Variants in MYO16 observed in about 807,000 individuals in gnomAD.
MYO16 encodes the protein myosin XVI.
In MYO16, 94 loss-of-function variants were observed where a neutral mutation model predicts 205.3. The ratio of observed to expected loss-of-function variants is 0.46; its 90% CI spans 0.39 to 0.54. MYO16 has a LOEUF of 0.54. MYO16 is among the 20% of genes least tolerant of loss of function. MYO16 has a pLI of 0.00. For missense variants in MYO16, 2,315 were observed against 2,387.5 expected, an observed-to-expected ratio of 0.97 and a Z score of 0.63; for synonymous variants, 988 against 954.0, an observed-to-expected ratio of 1.04 and a Z score of -0.66.
Position 109,176,468 on chromosome 13 carries a change from C to T in MYO16, c.5324-3074C>T, listed in dbSNP as rs575644658. The stretch of plus-strand genomic sequence containing the variant: ...TAATGTTTATAGAGAGACATGAATC[C>T]GTTTTCTTTTTTTTTATTCATGGTT... On this transcript the variant is annotated intron_variant, in intron 33 of 34. Coordinates refer to ENST00000457511, the MANE Select transcript of MYO16 (RefSeq NM_001198950.3). 1.0e-4 allele frequency among the ~76,000 whole-genome samples: 15 copies of T among 146,936 alleles called. 1 individual carries two copies. Among genetic ancestry groups the T allele is most frequent in the South Asian group, 2.1e-4 (1 of 4,662 alleles).
At chr13:108,550,253 A>T in the MYO16 span, among the ~76,000 whole-genome samples, 1 of 152,276 alleles carries the variant, frequency 6.6e-6, no homozygotes, top group Non-Finnish European at 1.5e-5. Flanking sequence ...AGCTGAGCAC[A>T]GAGTCTTGGA....
chr13:109,187,453 G>A (rs1032185174), intron 34 of MYO16, among the ~76,000 whole-genome samples: 2 of 151,918 alleles, frequency 1.3e-5, no homozygotes, highest in Non-Finnish European at 2.9e-5. Context: ...TAAATAGGTA[G>A]CATAGATCAC....
chr13:108,563,802 T>G, the MYO16 span, among the ~76,000 whole-genome samples: 1 of 152,228 alleles, frequency 6.6e-6, no homozygotes, highest in Admixed American at 6.5e-5. Context: ...ATAACAAACA[T>G]GGGAGTGCAG....
In MYO16 at chr13:109,140,352, G is replaced by C; in HGVS notation, c.4140G>C (p.Lys1380Asn). The change falls in exon 32 of 35, where the codon AAG becomes AAC. Residue 1380 changes from lysine (K) to asparagine (N), a missense_variant. Coordinates refer to ENST00000457511, the MANE Select transcript of MYO16 (RefSeq NM_001198950.3). The surrounding 1 kb of genome is among the most constrained non-coding windows in gnomAD (Gnocchi z 8.0). ...PRKPKRSPNT[K>N]LSGSYEEISG... ...AGCCCAAGCGCAGCCCCAACACCAA[G>C]CTCAGCGGCTCCTACGAGGAGATAT... 6.2e-7 allele frequency: 1 copy of C among 1,603,188 alleles called. No individual in the cohort carries two copies. Among genetic ancestry groups the C allele is most frequent in the Non-Finnish European group, 8.5e-7 (1 of 1,179,130 alleles).
At chr13:108,954,095 C>T (rs998598525) in intron 16 of MYO16, among the ~76,000 whole-genome samples, 2 of 152,188 alleles carry the variant, frequency 1.3e-5, no homozygotes, top group African/African-American at 2.4e-5. Flanking sequence ...CCGCTGTATT[C>T]GCACTTTCTC....
At chr13:109,022,102 A>G (rs992222059) in intron 23 of MYO16, among the ~76,000 whole-genome samples, 1 of 145,486 alleles carries the variant, frequency 6.9e-6, no homozygotes, top group Non-Finnish European at 1.5e-5. Flanking sequence ...ATATACATAT[A>G]AAACATATTT....
chr13:108,803,298 T>A (rs1222701074), intron 6 of MYO16, among the ~76,000 whole-genome samples: 1 of 152,218 alleles, frequency 6.6e-6, no homozygotes, highest in South Asian at 2.1e-4. Context: ...TAGTGCTACT[T>A]ATTTTAATTT....
chr13:109,032,643 T>C (rs1886580982), intron 23 of MYO16, among the ~76,000 whole-genome samples: 1 of 152,188 alleles, frequency 6.6e-6, no homozygotes, highest in Admixed American at 6.5e-5. Context: ...CTTTGGTGTA[T>C]GAAGTAAATA....
intron 1 of MYO16, among the ~76,000 whole-genome samples, chr13:108,610,698 T>G (rs1879140881): frequency 6.6e-6 from 1 of 152,218 alleles, no homozygotes; most frequent in Admixed American, 6.5e-5. Flanking sequence ...GGCTGCAGTA[T>G]TGCTGGATCT....
chr13:108,509,294 C>T, the MYO16 span, among the ~76,000 whole-genome samples: 1 of 151,908 alleles, frequency 6.6e-6, no homozygotes, highest in Non-Finnish European at 1.5e-5. Context: ...TTTTAAGTGA[C>T]GATTTCTCTC....
At chr13:108,985,956 A>G (rs1884614321) in intron 20 of MYO16, among the ~76,000 whole-genome samples, 2 of 152,182 alleles carry the variant, frequency 1.3e-5, no homozygotes, top group African/African-American at 4.8e-5. Context: ...ATTAAGAAAA[A>G]GAGGTTTAAT....
intron 11 of MYO16, among the ~76,000 whole-genome samples, chr13:108,857,850 TTC>T (rs1878262086): frequency 6.6e-6 from 1 of 152,190 alleles, no homozygotes; most frequent in Non-Finnish European, 1.5e-5. Context: ...TCTAGTCAGT[TTC>T]TCTCTCTTTC....
chr13:109,034,843 T>C (rs1308987657), intron 23 of MYO16, among the ~76,000 whole-genome samples: 2 of 152,126 alleles, frequency 1.3e-5, no homozygotes, highest in African/African-American at 4.8e-5. Flanking sequence ...AAAATAATAG[T>C]TTTGTTGATG....
Position 109,055,804 on chromosome 13 carries a change from G to A in MYO16, c.3335+209G>A. 4.1e-6 allele frequency: 2 copies of A among 489,870 alleles called. No homozygotes were observed. The allele number at this position is 489,870 out of a possible 1,614,324, so 30.3% of individuals were successfully genotyped here. ...ATAAAAAATAATTAAACTGTACTGA[G>A]GACAGTATCTTGGAAACCATTCTCA... On this transcript the variant is annotated intron_variant, in intron 27 of 34. Coordinates refer to ENST00000457511, the MANE Select transcript of MYO16 (RefSeq NM_001198950.3). This position sits in a 1 kb window ranked among gnomAD's most constrained non-coding sequence, Gnocchi z 5.0.
intron 2 of MYO16, among the ~76,000 whole-genome samples, chr13:108,700,824 G>A (rs371186070): frequency 1.3e-5 from 2 of 152,112 alleles, no homozygotes; most frequent in Non-Finnish European, 1.5e-5. Flanking sequence ...TGTTCCTCAG[G>A]AACTAGAAGG....
rs1177958588 is a variant in MYO16, at chr13:109,022,370, G to A, written c.2796+2459G>A. 5.2e-4 allele frequency among the ~76,000 whole-genome samples: 48 copies of A among 92,114 alleles called. 1 individual carries two copies. Among genetic ancestry groups the A allele is most frequent in the Admixed American group, 1.3e-3 (8 of 6,286 alleles). 60.4% of individuals were successfully genotyped at this position (92,114 alleles called of 152,430 possible). A position where few individuals can be genotyped will look rare whatever the true frequency, so the allele number is the denominator to read the frequency against. On this transcript the variant is annotated intron_variant, in intron 23 of 34. Coordinates refer to ENST00000457511, the MANE Select transcript of MYO16 (RefSeq NM_001198950.3). ...TACAAATATATATGTATATATGTAT[G>A]TATTATATATACAAATATACATATA... is the stretch of plus-strand genomic sequence containing the variant.
chr13:108,863,185 A>G (rs1260823257), intron 11 of MYO16, among the ~76,000 whole-genome samples: 5 of 152,124 alleles, frequency 3.3e-5, no homozygotes, highest in African/African-American at 1.2e-4. Context: ...TGAAAAAGTC[A>G]TACCTTTTTT....
intron 2 of MYO16, among the ~76,000 whole-genome samples, chr13:108,678,567 T>C (rs563861038): frequency 6.6e-6 from 1 of 152,294 alleles, no homozygotes; most frequent in South Asian, 2.1e-4. Context: ...CCTGTAGCAA[T>C]GATCTCTTTG....
intron 27 of MYO16, among the ~76,000 whole-genome samples, chr13:109,099,780 T>C (rs156998): frequency 0.78 from 119,400 of 152,108 alleles, 47,017 homozygotes; most frequent in Middle Eastern, 0.87. Context: ...CTACTTGCTC[T>C]GAGGAAAGCA....
Sources: allele counts gnomAD v4.1 joint callset (sites outside exome capture counted in the v4.1 genomes callset), GRCh38; gene constraint gnomAD v4.1.1; non-coding constraint Gnocchi (gnomAD v3.1); transcripts MANE v1.5; gene names NCBI Gene and HGNC (gene_info 2026-07-23, HGNC 2026-07-21).